Variants in NFE2L1 observed in about 807,000 individuals in gnomAD.
NFE2L1 encodes the protein NFE2 like bZIP transcription factor 1, also known as endoplasmic reticulum membrane sensor NFE2L1.
In NFE2L1, 18 loss-of-function variants were observed where a neutral mutation model predicts 61.6. The observed-to-expected ratio is 0.29, with a 90% confidence interval of 0.20 to 0.43. The LOEUF is 0.43. NFE2L1 is among the 20% of genes least tolerant of loss of function. The pLI is 1.00. For synonymous variants in NFE2L1, 419 were observed against 402.7 expected, an observed-to-expected ratio of 1.04 and a Z score of -0.48; for missense variants, 827 against 973.5, an observed-to-expected ratio of 0.85 and a Z score of 2.00.
intron 2 of NFE2L1, among the ~76,000 whole-genome samples, chr17:48,053,665 G>T (rs2037312763): frequency 6.6e-6 from 1 of 152,176 alleles, no homozygotes; most frequent in Non-Finnish European, 1.5e-5. Flanking sequence ...CTGTCTCTCT[G>T]ACCTGACCTT....
intron 2 of NFE2L1, chr17:48,054,553 C>G: frequency 3.4e-6 from 4 of 1,168,386 alleles, no homozygotes; most frequent in Non-Finnish European, 4.2e-6. Flanking sequence ...AGCTGCTGAC[C>G]TGGGGGAGGG....
Position 48,058,328 on chromosome 17 carries a change from C to A in NFE2L1, c.1006C>A (p.Leu336Met). 1 of 1,608,438 alleles carries A rather than the reference C, an allele frequency of 6.2e-7. No individual in the cohort carries two copies. Among genetic ancestry groups the A allele is most frequent in the Non-Finnish European group, 8.5e-7 (1 of 1,176,604 alleles). Residue 336 changes from leucine (L) to methionine (M), a missense_variant, in exon 6 of 6, where the codon CTG becomes ATG. Physicochemically the swap from Leu to Met is conservative, Grantham distance 15 (BLOSUM62 2). This residue lies in a region of NFE2L1 where 667 missense variants were observed against 748.4 expected (regional missense o/e 0.89). Coordinates refer to ENST00000362042, the MANE Select transcript of NFE2L1 (RefSeq NM_003204.3). ...AGTGAACACATCAGCAAGTGAAATC[C>A]TGTACAGTGCCCCTCCTGGAGACCC... The part of the protein sequence containing the change: ...MEVNTSASEI[L>M]YSAPPGDPLS...
At chr17:48,054,191 C>G (rs1169342426) in intron 2 of NFE2L1, 2 of 152,536 alleles carry the variant, frequency 1.3e-5, no homozygotes, top group African/African-American at 2.4e-5. Context: ...AGTGTCTGCC[C>G]AGTCCTGAGT....
At chr17:48,055,193 C>A in intron 2 of NFE2L1, 1 of 1,306,634 alleles carries the variant, frequency 7.7e-7, no homozygotes, top group Non-Finnish European at 9.7e-7. Context: ...TCTGGGAGGT[C>A]TTAGGGTCAG....
At chr17:48,058,198 C>G in intron 5 of NFE2L1, 97 bp from the exon 6 acceptor site, 1 of 1,484,718 alleles carries the variant, frequency 6.7e-7, no homozygotes, top group Non-Finnish European at 9.0e-7. Context: ...TGCCTTTACA[C>G]CCATGCAGCT....
chr17:48,056,557 C>G lies in NFE2L1; in HGVS notation c.682C>G (p.Leu228Val). ...GGGCGCGGAAGCTCTGGCACGGAAC[C>G]TGCTAGTGGATGGAGAGACTGGGGA... ...GEGAEALARNLLVDGETGESF... is the reference protein window; with the variant it reads ...GEGAEALARNVLVDGETGESF... Residue 228 changes from leucine to valine, a missense_variant, in exon 3 of 6, where the codon CTG becomes GTG. Transcript: ENST00000362042. 1 of 1,613,834 alleles carries G rather than the reference C, an allele frequency of 6.2e-7. No individual in the cohort carries two copies. Among genetic ancestry groups the G allele is most frequent in the Non-Finnish European group, 8.5e-7 (1 of 1,179,966 alleles).
rs1031935047 is a variant in NFE2L1, at chr17:48,050,732, G to T, written c.-387G>T. Reference sequence around the variant, plus strand: ...GGAGAAGGAAAAAAAAAATCCATCAGCTGTTCCTGAGAACAGCCTGCATTG... The same window carrying T: ...GGAGAAGGAAAAAAAAAATCCATCATCTGTTCCTGAGAACAGCCTGCATTG... On this transcript the variant is annotated 5_prime_UTR_variant, in exon 2 of 6. Transcript: ENST00000362042. The T allele has an allele frequency of 2.2e-6, 1 of 448,420 alleles. No individual in the cohort carries two copies. Among genetic ancestry groups the T allele is most frequent in the African/African-American group, 2.0e-5 (1 of 50,360 alleles). 27.8% of individuals were successfully genotyped at this position (448,420 alleles called of 1,614,324 possible).
At chr17:48,055,643 C>T (rs2037382994) in intron 2 of NFE2L1, among the ~76,000 whole-genome samples, 1 of 151,946 alleles carries the variant, frequency 6.6e-6, no homozygotes, top group Non-Finnish European at 1.5e-5. Flanking sequence ...GGGTGGGGTG[C>T]ACCCCTGGGG....
chr17:48,054,798 G>T (rs564506324), intron 2 of NFE2L1: 3 of 1,330,622 alleles, frequency 2.3e-6, no homozygotes, highest in East Asian at 6.2e-5. Flanking sequence ...CGCCTGAGTG[G>T]AACTGGGGTT....
At position 48,058,693 on chromosome 17, in the gene NFE2L1, T is replaced by G. The variant is rs753832667; in HGVS notation, c.1371T>G (p.Ile457Met). Reference protein sequence around the residue: ...LDEISLMDLAIEEGFNPVQAS... With the variant: ...LDEISLMDLAMEEGFNPVQAS... The stretch of plus-strand genomic sequence containing the variant: ...AGATCAGCCTTATGGACCTGGCCAT[T>G]GAAGAAGGCTTTAACCCTGTGCAGG... Residue 457 changes from isoleucine to methionine, a missense_variant, in exon 6 of 6, where the codon ATT becomes ATG. Physicochemically the swap from Ile to Met is conservative, Grantham distance 10. Around this residue, in one of 3 missense-constraint regions of NFE2L1, gnomAD observed 667 missense variants for 748.4 expected, o/e 0.89. Coordinates refer to ENST00000362042, the MANE Select transcript of NFE2L1 (RefSeq NM_003204.3). 1.2e-6 allele frequency: 2 copies of G among 1,614,172 alleles called. No individual in the cohort carries two copies. Among genetic ancestry groups the G allele is most frequent in the Non-Finnish European group, 1.7e-6 (2 of 1,180,018 alleles).
At chr17:48,056,279 G>T (rs1026685369) in intron 2 of NFE2L1, 107 bp from the exon 3 acceptor site, 4 of 1,317,172 alleles carry the variant, frequency 3.0e-6, no homozygotes, top group Non-Finnish European at 4.3e-6. Flanking sequence ...GCTGGGAGGG[G>T]CCCCACCCAG....
At chr17:48,052,863 G>A (rs1300393005) in intron 2 of NFE2L1, among the ~76,000 whole-genome samples, 3 of 152,212 alleles carry the variant, frequency 2.0e-5, no homozygotes, top group Non-Finnish European at 2.9e-5. Flanking sequence ...CCAAGTGTCA[G>A]TAGTGCAGGG....
chr17:48,058,337 G>T lies in NFE2L1; in HGVS notation c.1015G>T (p.Ala339Ser). Residue 339 changes from alanine to serine, a missense_variant, in exon 6 of 6, where the codon GCC becomes TCC. Ala to Ser is a moderately conservative substitution (Grantham distance 99, BLOSUM62 1). Transcript: ENST00000362042. ...NTSASEILYS[A>S]PPGDPLSTNY... ...ATCAGCAAGTGAAATCCTGTACAGTGCCCCTCCTGGAGACCCACTGAGCAC... is the reference window on the plus strand; with the variant it reads ...ATCAGCAAGTGAAATCCTGTACAGTTCCCCTCCTGGAGACCCACTGAGCAC... 6.2e-7 allele frequency: 1 copy of T among 1,611,648 alleles called. No homozygotes were observed. The highest frequency in any genetic ancestry group is 8.5e-7 in the Non-Finnish European group (1 of 1,178,560).
Position 48,059,586 on chromosome 17 carries a change from T to C in NFE2L1, c.2264T>C (p.Met755Thr). The part of the protein sequence containing the change: ...DGSVLLIPRT[M>T]ADQQARRQER... ...AGTGTCCTCCTCATCCCCCGCACGA[T>C]GGCCGACCAGCAGGCCCGGCGGCAG... is the stretch of plus-strand genomic sequence containing the variant. The change falls in exon 6 of 6, where the codon ATG becomes ACG. Residue 755 changes from methionine to threonine, a missense_variant. Coordinates refer to ENST00000362042, the MANE Select transcript of NFE2L1 (RefSeq NM_003204.3). The surrounding 1 kb of genome is among the most constrained non-coding windows in gnomAD (Gnocchi z 6.1). 6.3e-7 allele frequency: 1 copy of C among 1,591,828 alleles called. No homozygotes were observed. The highest frequency in any genetic ancestry group is 8.6e-7 in the Non-Finnish European group (1 of 1,166,182).
rs1009399432 is a variant in NFE2L1 at position 48,056,572 on chromosome 17, G to C, written c.697G>C (p.Glu233Gln). 1 of 1,613,278 alleles carries C rather than the reference G, an allele frequency of 6.2e-7. No homozygotes were observed. The highest frequency in any genetic ancestry group is 8.5e-7 in the Non-Finnish European group (1 of 1,179,918). ...GGCACGGAACCTGCTAGTGGATGGA[G>C]AGACTGGGGAGAGCTTCCCTGCACA... ...ALARNLLVDGETGESFPAQVP... is the reference protein window; with the variant it reads ...ALARNLLVDGQTGESFPAQVP... Residue 233 changes from glutamate to glutamine, a missense_variant, in exon 3 of 6, where the codon GAG becomes CAG. Transcript: ENST00000362042.
chr17:48,059,022 A>G lies in NFE2L1; in HGVS notation c.1700A>G (p.Tyr567Cys), dbSNP rs748756788. The change falls in exon 6 of 6, where the codon TAC becomes TGC. Residue 567 changes from tyrosine (Y) to cysteine (C), a missense_variant. Physicochemically the swap from Tyr to Cys is radical, Grantham distance 194. Transcript: ENST00000362042. This position sits in a 1 kb window ranked among gnomAD's most constrained non-coding sequence, Gnocchi z 6.1. ...QDPAQLSCLPYLEHVGHNHTY... is the reference protein window; with the variant it reads ...QDPAQLSCLPCLEHVGHNHTY... ...CCAGCTCAGCTCTCATGCCTGCCCT[A>G]CCTGGAGCACGTGGGCCACAACCAC... 1.1e-5 allele frequency: 18 copies of G among 1,613,784 alleles called. No homozygotes were observed. Among genetic ancestry groups the G allele is most frequent in the Non-Finnish European group, 1.4e-5 (16 of 1,180,014 alleles).
At chr17:48,051,961 C>T (rs2037264181) in intron 2 of NFE2L1, among the ~76,000 whole-genome samples, 1 of 152,072 alleles carries the variant, frequency 6.6e-6, no homozygotes, top group African/African-American at 2.4e-5. Context: ...GGCTTTGATG[C>T]AGTGTACATC....
At chr17:48,054,952 A>G in intron 2 of NFE2L1, 1 of 1,453,680 alleles carries the variant, frequency 6.9e-7, no homozygotes, top group South Asian at 1.4e-5. Context: ...CCTGAAAGCC[A>G]AGAGCTCCTT....
At chr17:48,051,722 C>G (rs1257183144) in intron 2 of NFE2L1, 94 bp downstream of exon 2, 1 of 1,466,376 alleles carries the variant, frequency 6.8e-7, no homozygotes, top group Non-Finnish European at 9.2e-7. Flanking sequence ...CTGTAAAGAG[C>G]CAGACAGGTT....
Sources: allele counts gnomAD v4.1 joint callset (sites outside exome capture counted in the v4.1 genomes callset), GRCh38; gene constraint gnomAD v4.1.1; regional missense constraint gnomAD v4.1.1; non-coding constraint Gnocchi (gnomAD v3.1); transcripts MANE v1.5; gene names NCBI Gene and HGNC (gene_info 2026-07-23, HGNC 2026-07-21).